The following HIP1 variants were observed in gnomAD, a reference collection of about 807,000 sequenced individuals.
The protein encoded by HIP1 is huntingtin interacting protein 1, also known as huntingtin-interacting protein 1.
A neutral mutation model predicts 147.6 loss-of-function variants in HIP1; 65 were observed. The observed-to-expected ratio is 0.44, with a 90% CI of 0.36 to 0.54. HIP1 has a LOEUF of 0.54. Among genes scored for constraint, HIP1 ranks in the 20% least tolerant of loss-of-function variants. HIP1 has a pLI of 0.00. For missense variants in HIP1, 1,061 were observed against 1,299.6 expected, an observed-to-expected ratio of 0.82 and a Z score of 2.82; for synonymous variants, 479 against 504.0, an observed-to-expected ratio of 0.95 and a Z score of 0.67.
intron 1 of HIP1, among the ~76,000 whole-genome samples, chr7:75,631,714 A>G (rs1798228277): frequency 6.6e-6 from 1 of 152,268 alleles, no homozygotes; most frequent in South Asian, 2.1e-4. Flanking sequence ...GCTCCGGAGC[A>G]GGGGGAATCT....
At chr7:75,728,500 C>T (rs550841184) in intron 1 of HIP1, among the ~76,000 whole-genome samples, 3 of 152,172 alleles carry the variant, frequency 2.0e-5, no homozygotes, top group South Asian at 2.1e-4. Context: ...AGGCTGTGCC[C>T]GCTGCCACAC....
chr7:75,575,638 G>A (rs1158582328), intron 7 of HIP1, among the ~76,000 whole-genome samples: 1 of 151,964 alleles, frequency 6.6e-6, no homozygotes, highest in Non-Finnish European at 1.5e-5. Context: ...AATTTCTCAC[G>A]CTGGGGCTCC....
chr7:75,710,687 A>G (rs1233339801), intron 1 of HIP1, among the ~76,000 whole-genome samples: 2 of 152,196 alleles, frequency 1.3e-5, no homozygotes, highest in East Asian at 3.8e-4. Context: ...CAGGAGTTCA[A>G]GGCCATAGTG....
chr7:75,592,614 C>A, intron 2 of HIP1, 100 bp from the exon 3 acceptor site: 5 of 1,246,796 alleles, frequency 4.0e-6, no homozygotes, highest in Non-Finnish European at 5.5e-6. Context: ...CTGCACCCAG[C>A]CATCACAGGG....
chr7:75,655,531 G>A (rs1337732174), intron 1 of HIP1, among the ~76,000 whole-genome samples: 13 of 151,524 alleles, frequency 8.6e-5, no homozygotes, highest in African/African-American at 1.7e-4. Context: ...GTAGTGAGCC[G>A]AGATCGCACC....
chr7:75,649,401 T>G lies in HIP1; in HGVS notation c.121-50154A>C, dbSNP rs917542840. On this transcript the variant is annotated intron_variant, in intron 1 of 30. Coordinates refer to ENST00000336926, the MANE Select transcript of HIP1 (RefSeq NM_005338.7). ...CCTTTGAGTGAACCTAAATTACTAT[T>G]AGCAGTAGTAGCAGCAATGACCCTG... is the stretch of plus-strand genomic sequence containing the variant. Among the ~76,000 whole-genome samples the G allele has an allele frequency of 1.1e-4, 17 of 152,300 alleles. 1 individual carries two copies. The highest frequency in any genetic ancestry group is 5.2e-4 in the Admixed American group (8 of 15,286).
In HIP1 at chr7:75,653,617, G is replaced by C. The variant is rs60910345; in HGVS notation, c.121-54370C>G. On this transcript the variant is annotated intron_variant, in intron 1 of 30. Coordinates refer to ENST00000336926, the MANE Select transcript of HIP1 (RefSeq NM_005338.7). ...CTTATGCTTGTAATCCCAGCACTTC[G>C]GGAGGCTGAGGCAGGTGGATCACCT... Among the ~76,000 whole-genome samples, 1,369 of 152,126 alleles carry C rather than the reference G, an allele frequency of 9.0e-3. 29 individuals carry two copies. Among genetic ancestry groups the C allele is most frequent in the African/African-American group, 0.032 (1,315 of 41,494 alleles).
intron 1 of HIP1, among the ~76,000 whole-genome samples, chr7:75,712,771 CATTT>C (rs1801197210): frequency 6.6e-6 from 1 of 152,156 alleles, no homozygotes; most frequent in Admixed American, 6.6e-5. Flanking sequence ...TTCACTCTCT[CATTT>C]ACTCATTCAT....
chr7:75,735,952 G>C (rs1024490357), intron 1 of HIP1, among the ~76,000 whole-genome samples: 3 of 151,932 alleles, frequency 2.0e-5, no homozygotes, highest in Non-Finnish European at 4.4e-5. Context: ...AACACCAGAG[G>C]CTGGGTGCAG....
chr7:75,644,864 T>C (rs1798755377), intron 1 of HIP1, among the ~76,000 whole-genome samples: 1 of 152,208 alleles, frequency 6.6e-6, no homozygotes, highest in African/African-American at 2.4e-5. Flanking sequence ...CTGGTGGCTC[T>C]GGCACAGAGC....
chr7:75,705,567 G>A (rs115855844), intron 1 of HIP1, among the ~76,000 whole-genome samples: 183 of 152,000 alleles, frequency 1.2e-3, no homozygotes, highest in African/African-American at 4.2e-3. Flanking sequence ...TGCCATGTTG[G>A]GCAGGCTGGT....
At chr7:75,613,499 C>T (rs183334986) in intron 1 of HIP1, among the ~76,000 whole-genome samples, 2 of 152,246 alleles carry the variant, frequency 1.3e-5, no homozygotes, top group African/African-American at 4.8e-5. Flanking sequence ...TCACTTGGGC[C>T]TCTTCCTCCT....
intron 1 of HIP1, among the ~76,000 whole-genome samples, chr7:75,601,745 G>T (rs1796984162): frequency 6.6e-6 from 1 of 152,070 alleles, no homozygotes; most frequent in Non-Finnish European, 1.5e-5. Context: ...GAGTTGAATG[G>T]TTGCGATGGA....
At chr7:75,589,461 G>A (rs1400522112) in intron 4 of HIP1, among the ~76,000 whole-genome samples, 1 of 151,860 alleles carries the variant, frequency 6.6e-6, no homozygotes, top group Non-Finnish European at 1.5e-5. Flanking sequence ...GAGGAGGGAA[G>A]ATCACTTGAG....
chr7:75,717,571 C>G (rs1801358425), intron 1 of HIP1, among the ~76,000 whole-genome samples: 1 of 151,130 alleles, frequency 6.6e-6, no homozygotes, highest in Non-Finnish European at 1.5e-5. Context: ...GTGGCTTACA[C>G]CCATAATCTT....
chr7:75,673,231 C>A (rs1355483162), intron 1 of HIP1, among the ~76,000 whole-genome samples: 1 of 151,994 alleles, frequency 6.6e-6, no homozygotes, highest in African/African-American at 2.4e-5. Context: ...CTATATTGAC[C>A]AGGCTGGTCT....
At chr7:75,589,934 C>T (rs1796439228) in intron 4 of HIP1, among the ~76,000 whole-genome samples, 1 of 151,724 alleles carries the variant, frequency 6.6e-6, no homozygotes, top group South Asian at 2.1e-4. Flanking sequence ...GGGGTTTCAC[C>T]GTGTTAGCCA....
intron 1 of HIP1, among the ~76,000 whole-genome samples, chr7:75,694,880 G>C (rs527532815): frequency 4.0e-5 from 6 of 149,636 alleles, no homozygotes; most frequent in South Asian, 2.1e-4. Context: ...GGTACTTTCT[G>C]AGAGAGTTCC....
intron 1 of HIP1, among the ~76,000 whole-genome samples, chr7:75,716,521 C>CTT (rs782680080): frequency 1.1e-4 from 14 of 130,642 alleles, no homozygotes; most frequent in East Asian, 4.6e-4. Flanking sequence ...CGTGCCTGGA[C>CTT]TTTTTTTTTT....
Sources: gnomAD v4.1 joint callset for allele counts (sites outside exome capture counted in the v4.1 genomes callset) on GRCh38, gnomAD v4.1.1 for gene constraint, MANE v1.5 for transcripts, NCBI Gene and HGNC (gene_info 2026-07-23, HGNC 2026-07-21) for gene names.